SCAPER: variants seen among roughly 807,000 people sequenced by gnomAD.
The protein encoded by SCAPER is S phase cyclin A-associated protein in the endoplasmic reticulum.
In SCAPER, 98 loss-of-function variants were observed where a neutral mutation model predicts 182.2. The observed-to-expected ratio is 0.54, with a 90% CI of 0.46 to 0.64. SCAPER has a LOEUF of 0.64. Ranked by LOEUF, SCAPER falls within the 30% of genes least tolerant of loss-of-function variation. The pLI, the probability that SCAPER is intolerant of heterozygous loss-of-function variation, is 0.00. For missense variants in SCAPER, 1,432 were observed against 1,690.0 expected (o/e 0.85, Z 2.68); for synonymous variants, 605 against 564.6 (o/e 1.07, Z -1.01).
At chr15:76,353,743 T>C (rs78641517) in intron 30 of SCAPER, among the ~76,000 whole-genome samples, 3,727 of 152,248 alleles carry the variant, frequency 0.024, 151 homozygotes, top group African/African-American at 0.087. Context: ...ATCCTCCAAG[T>C]AGAAATTATA....
At chr15:76,877,298 G>A (rs2073243287) in intron 2 of SCAPER, among the ~76,000 whole-genome samples, 1 of 151,286 alleles carries the variant, frequency 6.6e-6, no homozygotes, top group South Asian at 2.1e-4. Flanking sequence ...TAATGATTAT[G>A]TTAGATTACA....
chr15:76,349,902 A>C (rs1566971869), intron 31 of SCAPER: 1 of 152,122 alleles, frequency 6.6e-6, no homozygotes, highest in Non-Finnish European at 1.5e-5. Flanking sequence ...ACAATGTAAC[A>C]AATTGTGACT....
rs77916111 is a variant in SCAPER at position 76,508,210 on chromosome 15, T to G, written c.2839-3236A>C. On this transcript the variant is annotated intron_variant, in intron 23 of 31. Transcript: ENST00000563290. Reference sequence around the variant, plus strand: ...TAGCTTTTTTTGGTTGATTGCTTATTTCTAAATTCATTCATGTTGCTGCCT... The same window carrying G: ...TAGCTTTTTTTGGTTGATTGCTTATGTCTAAATTCATTCATGTTGCTGCCT... Among the ~76,000 whole-genome samples, 91 of 152,316 alleles carry G rather than the reference T, an allele frequency of 6.0e-4. 1 individual carries two copies. In the East Asian group the frequency reaches 0.014, roughly 23 times the overall value.
chr15:76,732,288 AATAGTT>A (rs201083404), intron 16 of SCAPER, among the ~76,000 whole-genome samples: 1 of 152,162 alleles, frequency 6.6e-6, no homozygotes, highest in East Asian at 1.9e-4. Flanking sequence ...ACAAAATAAG[AATAGTT>A]ATACTAGATA....
intron 9 of SCAPER, 149 bp downstream of exon 9, chr15:76,774,706 G>T: frequency 1.4e-6 from 1 of 739,518 alleles, no homozygotes; most frequent in Non-Finnish European, 2.1e-6. Flanking sequence ...GGAGTTCGTT[G>T]TTCTATTCTT....
intron 24 of SCAPER, chr15:76,498,625 C>T (rs1444551002): frequency 6.6e-6 from 1 of 152,248 alleles, no homozygotes; most frequent in Admixed American, 6.5e-5. Context: ...GAGCCACATA[C>T]ATGGTTGCTG....
In SCAPER at chr15:76,663,761, C is replaced by A. The variant is rs180896746; in HGVS notation, c.2645+1892G>T. Among the ~76,000 whole-genome samples, 3 of 152,124 alleles carry A rather than the reference C, an allele frequency of 2.0e-5. No individual in the cohort carries two copies. The East Asian group carries it at 5.8e-4, about 29-fold the overall frequency. ...AACTTTATGGGGAAATGAAAATGTTCTATATCTTGATAGGGGTATGGATTG... is the reference window on the plus strand; with the variant it reads ...AACTTTATGGGGAAATGAAAATGTTATATATCTTGATAGGGGTATGGATTG... On this transcript the variant is annotated intron_variant, in intron 21 of 31. Coordinates refer to ENST00000563290, the MANE Select transcript of SCAPER (RefSeq NM_020843.4).
At chr15:76,579,266 A>T (rs1733013174) in intron 22 of SCAPER, among the ~76,000 whole-genome samples, 2 of 9,626 alleles carry the variant, frequency 2.1e-4, no homozygotes, top group African/African-American at 4.4e-4. Context: ...ACTCTGTCTC[A>T]AAAAAAAAAA....
At chr15:76,511,250 GAATA>G (rs1319201613) in intron 23 of SCAPER, among the ~76,000 whole-genome samples, 12 of 151,812 alleles carry the variant, frequency 7.9e-5, no homozygotes, top group African/African-American at 2.9e-4. Context: ...AAAACCTATG[GAATA>G]AATAAATAAA....
At chr15:76,890,579 A>AC (rs1344835854) in intron 1 of SCAPER, among the ~76,000 whole-genome samples, 12 of 152,340 alleles carry the variant, frequency 7.9e-5, no homozygotes, top group African/African-American at 2.6e-4. Context: ...AGAAATGGAT[A>AC]AATTCCTGGA....
intron 23 of SCAPER, among the ~76,000 whole-genome samples, chr15:76,536,536 C>T (rs970755268): frequency 3.9e-5 from 6 of 152,072 alleles, no homozygotes; most frequent in Non-Finnish European, 8.8e-5. Context: ...AGAATAAATG[C>T]TAGGGTATTT....
chr15:76,477,584 C>T (rs62028430), intron 24 of SCAPER, among the ~76,000 whole-genome samples: 11,698 of 151,998 alleles, frequency 0.077, 516 homozygotes, highest in Middle Eastern at 0.11. Context: ...ATTTAAACTG[C>T]CCTCCAGAAA....
chr15:76,509,351 T>C (rs1289475101), intron 23 of SCAPER, among the ~76,000 whole-genome samples: 1 of 152,212 alleles, frequency 6.6e-6, no homozygotes, highest in African/African-American at 2.4e-5. Flanking sequence ...ATGACTACTG[T>C]TGATTACCAT....
intron 23 of SCAPER, among the ~76,000 whole-genome samples, chr15:76,538,229 G>C (rs1382326319): frequency 6.8e-6 from 1 of 147,858 alleles, no homozygotes; most frequent in Non-Finnish European, 1.5e-5. Flanking sequence ...TATACCCAAA[G>C]GACTATAAAT....
intron 2 of SCAPER, among the ~76,000 whole-genome samples, chr15:76,879,079 C>T (rs1446088452): frequency 6.6e-6 from 1 of 152,126 alleles, no homozygotes; most frequent in African/African-American, 2.4e-5. Flanking sequence ...AAATACATGA[C>T]CTGGCCTCCA....
At chr15:76,489,055 T>C (rs1041827076) in intron 24 of SCAPER, among the ~76,000 whole-genome samples, 1 of 150,888 alleles carries the variant, frequency 6.6e-6, no homozygotes, top group Non-Finnish European at 1.5e-5. Flanking sequence ...ATCAGTTTTG[T>C]TGGATATGAA....
intron 22 of SCAPER, among the ~76,000 whole-genome samples, chr15:76,608,047 C>T (rs993456090): frequency 6.6e-6 from 1 of 152,230 alleles, no homozygotes; most frequent in African/African-American, 2.4e-5. Flanking sequence ...CAGCTTTGCT[C>T]TGTTGCTGGT....
chr15:76,683,038 T>A (rs1011541131), intron 20 of SCAPER, among the ~76,000 whole-genome samples: 1 of 152,210 alleles, frequency 6.6e-6, no homozygotes, highest in African/African-American at 2.4e-5. Flanking sequence ...TCCCCGGGAA[T>A]GGTTCTTAAC....
chr15:76,846,976 T>C (rs1232408628), intron 4 of SCAPER, among the ~76,000 whole-genome samples: 1 of 151,710 alleles, frequency 6.6e-6, no homozygotes, highest in African/African-American at 2.4e-5. Flanking sequence ...GAATAAATAA[T>C]GTACATATAC....
Sources: allele counts gnomAD v4.1 joint callset (sites outside exome capture counted in the v4.1 genomes callset), GRCh38; gene constraint gnomAD v4.1.1; transcripts MANE v1.5; gene names NCBI Gene and HGNC (gene_info 2026-07-23, HGNC 2026-07-21).